The following ATXN2 variants were observed in gnomAD, a reference collection of about 807,000 sequenced individuals.
ATXN2 encodes ataxin-2.
Under a neutral mutation model 138.6 loss-of-function variants are expected in ATXN2, and 37 were observed. That is an observed-to-expected ratio of 0.27 (90% CI 0.21 to 0.35). The LOEUF (loss-of-function observed/expected upper bound fraction) is 0.35. Among genes scored for constraint, ATXN2 ranks in the 10% least tolerant of loss-of-function variants. The pLI is 1.00. For missense variants in ATXN2, 1,216 were observed against 1,480.3 expected, an observed-to-expected ratio of 0.82 and a Z score of 2.93; for synonymous variants, 549 against 543.7, an observed-to-expected ratio of 1.01 and a Z score of -0.13.
rs745560171 is a variant in ATXN2 at position 111,553,604 on chromosome 12, A to ATTTTTTTT, written c.348+546_348+553dup. On this transcript the variant is annotated intron_variant, in intron 3 of 24. Coordinates refer to ENST00000673436, the MANE Select transcript of ATXN2 (RefSeq NM_001372574.1). Reference sequence around the variant, plus strand: ...AAAAAAAAAAAAAAAAAAAAAAAAAATTTTTTTTTTTGAGAAGGGGTCTGT... The same window carrying ATTTTTTTT: ...AAAAAAAAAAAAAAAAAAAAAAAAAATTTTTTTTTTTTTTTTTTTGAGAAGGGGTCTGT... 0.024 allele frequency among the ~76,000 whole-genome samples: 2,057 copies of ATTTTTTTT among 84,968 alleles called. 541 individuals carry two copies. The East Asian group carries it at 0.6, about 25-fold the overall frequency. 55.7% of individuals were successfully genotyped at this position (84,968 alleles called of 152,430 possible).
chr12:111,453,788 G>C lies in ATXN2; in HGVS notation c.3328C>G (p.Leu1110Val). ...CCGCCGGGTGGCTGTGTCGTCATTAGCATCATTGGCGCATGGGCAGTTGGA... is the reference window on the plus strand; with the variant it reads ...CCGCCGGGTGGCTGTGTCGTCATTACCATCATTGGCGCATGGGCAGTTGGA... Reference protein sequence around the residue: ...SHPTAHAPMMLMTTQPPGGPQ... With the variant: ...SHPTAHAPMMVMTTQPPGGPQ... The change falls in exon 24 of 25, where the codon CTA becomes GTA. Residue 1110 changes from leucine (L) to valine (V), a missense_variant. Leu to Val is a conservative substitution (Grantham distance 32, BLOSUM62 1). This residue lies in a region of ATXN2 where 490 missense variants were observed against 653.5 expected (regional missense o/e 0.75). Coordinates refer to ENST00000673436, the MANE Select transcript of ATXN2 (RefSeq NM_001372574.1). The surrounding 1 kb of genome is among the most constrained non-coding windows in gnomAD (Gnocchi z 5.4). 1.2e-6 allele frequency: 2 copies of C among 1,614,132 alleles called. No individual in the cohort carries two copies. Among genetic ancestry groups the C allele is most frequent in the Non-Finnish European group, 1.7e-6 (2 of 1,179,994 alleles).
At chr12:111,539,932 A>AT (rs1881407895) in intron 5 of ATXN2, among the ~76,000 whole-genome samples, 1 of 150,382 alleles carries the variant, frequency 6.6e-6, no homozygotes, top group African/African-American at 2.4e-5. Context: ...AACCTATGGC[A>AT]AAAGTGTTCA....
intron 5 of ATXN2, among the ~76,000 whole-genome samples, chr12:111,532,035 T>G (rs946224992): frequency 6.6e-6 from 1 of 152,182 alleles, no homozygotes; most frequent in Non-Finnish European, 1.5e-5. Flanking sequence ...CTATTATAAA[T>G]TTAAAGAGGT....
rs1364190025 is a variant in ATXN2, at chr12:111,470,172, C to T, written c.2778G>A (p.Gln926=). 6 of 1,614,134 alleles carry T rather than the reference C, an allele frequency of 3.7e-6. No individual in the cohort carries two copies. In the East Asian group the frequency reaches 6.7e-5, roughly 18 times the overall value. The change falls in exon 20 of 25, where the codon CAG becomes CAA. Residue 926 remains glutamine (Q), a synonymous_variant. Coordinates refer to ENST00000673436, the MANE Select transcript of ATXN2 (RefSeq NM_001372574.1). ...ARMMAPPTHA[Q]PGLVSSSATQ... ...TTGCTGAAGAAGATACTAAACCAGG[C>T]TGGGCGTGTGTTGGTGGTGCCATCA...
intron 21 of ATXN2, among the ~76,000 whole-genome samples, chr12:111,460,933 G>C (rs1875531734): frequency 6.6e-6 from 1 of 151,870 alleles, no homozygotes; most frequent in African/African-American, 2.4e-5. Flanking sequence ...ATGTACATAG[G>C]CTTTGTTTAA....
chr12:111,470,720 C>T lies in ATXN2; in HGVS notation c.2547G>A (p.Arg849=). 6.2e-7 allele frequency: 1 copy of T among 1,614,036 alleles called. No homozygotes were observed. ...AGKVPNMPQQ[R]QDQHHQSAMM... ...TGGCACTCTGATGATGCTGGTCTTG[C>T]CGCTGTTGGGGCATATTTGGTACTG... Residue 849 remains arginine (R), a synonymous_variant, in exon 19 of 25, where the codon CGG becomes CGA. Transcript: ENST00000673436.
intron 1 of ATXN2, among the ~76,000 whole-genome samples, chr12:111,578,400 A>G (rs1321628278): frequency 2.6e-5 from 4 of 152,012 alleles, no homozygotes; most frequent in African/African-American, 7.2e-5. Flanking sequence ...TTTACGCTGT[A>G]TTTTTACTCA....
chr12:111,502,129 G>A (rs1878814537), intron 14 of ATXN2, among the ~76,000 whole-genome samples: 1 of 152,150 alleles, frequency 6.6e-6, no homozygotes, highest in South Asian at 2.1e-4. Context: ...CTGAGCTCAA[G>A]CTATCCACCT....
chr12:111,491,693 G>A (rs1177478606), intron 14 of ATXN2, among the ~76,000 whole-genome samples: 2 of 152,160 alleles, frequency 1.3e-5, no homozygotes, highest in Non-Finnish European at 2.9e-5. Context: ...GTCCTAGTAG[G>A]ATTCACCACC....
Position 111,552,256 on chromosome 12 carries a change from C to T in ATXN2, c.571+24G>A. On this transcript the variant is annotated intron_variant, in intron 5 of 24. Coordinates refer to ENST00000673436, the MANE Select transcript of ATXN2 (RefSeq NM_001372574.1). The surrounding 1 kb of genome is among the most constrained non-coding windows in gnomAD (Gnocchi z 4.1). ...TGAATAAATCTAATAAACCATGAGG[C>T]ATATTTAGGAAATCAAAACCCACCT... is the stretch of plus-strand genomic sequence containing the variant. The T allele has an allele frequency of 6.4e-7, 1 of 1,563,972 alleles. No individual in the cohort carries two copies. Among genetic ancestry groups the T allele is most frequent in the Non-Finnish European group, 8.6e-7 (1 of 1,159,856 alleles).
chr12:111,495,960 A>G (rs947481187), intron 14 of ATXN2, among the ~76,000 whole-genome samples: 7 of 149,126 alleles, frequency 4.7e-5, no homozygotes, highest in African/African-American at 1.3e-4. Context: ...CCTGGGACAC[A>G]TCGCAAAGCC....
intron 5 of ATXN2, among the ~76,000 whole-genome samples, chr12:111,527,820 G>C (rs1186623652): frequency 6.6e-6 from 1 of 152,210 alleles, no homozygotes; most frequent in African/African-American, 2.4e-5. Context: ...GATGGCACTA[G>C]AAATCTGACC....
intron 14 of ATXN2, among the ~76,000 whole-genome samples, chr12:111,496,824 A>G (rs1202399469): frequency 6.6e-6 from 1 of 152,106 alleles, no homozygotes; most frequent in East Asian, 1.9e-4. Context: ...CTAAAGAACT[A>G]GAAAAGCAAG....
intron 1 of ATXN2, among the ~76,000 whole-genome samples, chr12:111,577,700 G>A (rs1883752913): frequency 1.3e-5 from 2 of 152,134 alleles, no homozygotes; most frequent in African/African-American, 4.8e-5. Context: ...GGAGGTCAAG[G>A]TGGGCAGATC....
In ATXN2 at chr12:111,509,988, G is replaced by C. The variant is rs1879404604; in HGVS notation, c.1767C>G (p.Ser589=). Residue 589 remains serine (S), a synonymous_variant, in exon 13 of 25, where the codon TCC becomes TCG. Coordinates refer to ENST00000673436, the MANE Select transcript of ATXN2 (RefSeq NM_001372574.1). ...AGTTCTGCCTCTGATCTTGAAGCCTGGAATCTTTAGCTAGAAAACAATTTT... is the reference window on the plus strand; with the variant it reads ...AGTTCTGCCTCTGATCTTGAAGCCTCGAATCTTTAGCTAGAAAACAATTTT... ...AVTPSSEAKD[S]RLQDQRQNSP... 3 of 1,601,530 alleles carry C rather than the reference G, an allele frequency of 1.9e-6. No individual in the cohort carries two copies. The East Asian group carries it at 6.7e-5, about 36-fold the overall frequency.
rs369157041 is a variant in ATXN2 at position 111,555,918 on chromosome 12, C to A, written c.253G>T (p.Gly85Cys). Residue 85 changes from glycine (G) to cysteine (C), a missense_variant and splice_region_variant, in exon 2 of 25, where the codon GGT becomes TGT. By Grantham distance (159) the Gly-to-Cys change is radical (BLOSUM62 -3). Coordinates refer to ENST00000673436, the MANE Select transcript of ATXN2 (RefSeq NM_001372574.1). ...SGGGRPGLGR[G>C]RNSNKGLPQS... Reference sequence around the variant, plus strand: ...GGCAGTCCTTTGTTACTGTTTCGACCTCTGAAAAGATTAAATATTATTTTT... The same window carrying A: ...GGCAGTCCTTTGTTACTGTTTCGACATCTGAAAAGATTAAATATTATTTTT... The A allele has an allele frequency of 6.3e-6, 10 of 1,596,946 alleles. No individual in the cohort carries two copies. The highest frequency in any genetic ancestry group is 1.4e-5 in the African/African-American group (1 of 73,830).
In ATXN2 at chr12:111,470,865, A is replaced by G. The variant is rs962919213; in HGVS notation, c.2525-123T>C. The G allele has an allele frequency of 4.1e-6, 4 of 981,388 alleles. No homozygotes were observed. The African/African-American group carries it at 4.8e-5, about 12-fold the overall frequency. The allele number at this position is 981,388 out of a possible 1,614,324, so 60.8% of individuals were successfully genotyped here. On this transcript the variant is annotated intron_variant, in intron 18 of 24. Transcript: ENST00000673436. ...ATCTGCGTCTCTGATGCCATCTCAT[A>G]CCACTCCCACTTCTGCCACTCTGGG... is the stretch of plus-strand genomic sequence containing the variant.
At chr12:111,523,407 T>C (rs182888756) in intron 6 of ATXN2, among the ~76,000 whole-genome samples, 49 of 152,272 alleles carry the variant, frequency 3.2e-4, no homozygotes, top group Non-Finnish European at 2.8e-4. Flanking sequence ...ACACTTAGCA[T>C]GTTTCCAATT....
intron 5 of ATXN2, among the ~76,000 whole-genome samples, chr12:111,533,166 G>A (rs572038316): frequency 3.2e-4 from 49 of 152,332 alleles, no homozygotes; most frequent in African/African-American, 1.1e-3. Flanking sequence ...GAGGTGAAAG[G>A]GATGTATGGA....
Sources: gnomAD v4.1 joint callset for allele counts (sites outside exome capture counted in the v4.1 genomes callset) on GRCh38, gnomAD v4.1.1 for gene constraint, gnomAD v4.1.1 regional missense constraint, Gnocchi (gnomAD v3.1) non-coding constraint, MANE v1.5 for transcripts, NCBI Gene and HGNC (gene_info 2026-07-23, HGNC 2026-07-21) for gene names.